The following CTNNA3 variants were observed in gnomAD, a reference collection of about 807,000 sequenced individuals.
CTNNA3 encodes the protein catenin alpha-3.
CTNNA3 carries 76 observed loss-of-function variants against 95.7 expected under a neutral mutation model. That is an observed-to-expected ratio of 0.79 (90% CI 0.66 to 0.96). CTNNA3 has a LOEUF of 0.96. Ranked by LOEUF, CTNNA3 falls within the 40% of genes least tolerant of loss-of-function variation. CTNNA3 has a pLI of 0.00. For synonymous variants in CTNNA3, 431 were observed against 374.4 expected, an observed-to-expected ratio of 1.15 and a Z score of -1.74; for missense variants, 1,191 against 1,089.8, an observed-to-expected ratio of 1.09 and a Z score of -1.31.
At chr10:66,315,958 A>T (rs2092095191) in intron 12 of CTNNA3, among the ~76,000 whole-genome samples, 1 of 152,104 alleles carries the variant, frequency 6.6e-6, no homozygotes, top group African/African-American at 2.4e-5. Flanking sequence ...CTCACTTAAC[A>T]TTATTGATAG....
intron 11 of CTNNA3, among the ~76,000 whole-genome samples, chr10:66,517,568 G>T (rs1384920331): frequency 6.6e-6 from 1 of 151,994 alleles, no homozygotes; most frequent in Non-Finnish European, 1.5e-5. Context: ...ACCCTATATG[G>T]TCTAAAAGGG....
At chr10:66,625,746 A>C (rs573796765) in intron 9 of CTNNA3, among the ~76,000 whole-genome samples, 1 of 152,138 alleles carries the variant, frequency 6.6e-6, no homozygotes, top group African/African-American at 2.4e-5. Context: ...CATTTGCTGG[A>C]CTTTGAGTCT....
At chr10:66,637,473 C>A (rs1489409732) in intron 9 of CTNNA3, among the ~76,000 whole-genome samples, 4 of 152,216 alleles carry the variant, frequency 2.6e-5, no homozygotes, top group African/African-American at 7.2e-5. Flanking sequence ...AGGGCATTTG[C>A]CATCAACTAG....
In CTNNA3 at chr10:66,285,937, A is replaced by G. The variant is rs140686353; in HGVS notation, c.1733-5316T>C. Among the ~76,000 whole-genome samples the G allele has an allele frequency of 5.2e-3, 786 of 152,078 alleles. 5 individuals carry two copies. The highest frequency in any genetic ancestry group is 0.018 in the African/African-American group (738 of 41,532). On this transcript the variant is annotated intron_variant, in intron 12 of 17. Transcript: ENST00000433211. Reference sequence around the variant, plus strand: ...AAATTTTTTTCTATGTAAGTTGTATATGGAATTATTCATTCTCATTGCTGT... The same window carrying G: ...AAATTTTTTTCTATGTAAGTTGTATGTGGAATTATTCATTCTCATTGCTGT...
intron 5 of CTNNA3, among the ~76,000 whole-genome samples, chr10:67,432,610 C>G (rs1015751972): frequency 1.3e-5 from 2 of 152,032 alleles, no homozygotes; most frequent in Non-Finnish European, 2.9e-5. Flanking sequence ...CCAAAACTCT[C>G]TCTGCCTTTT....
At chr10:66,084,236 T>C (rs1440392745) in intron 14 of CTNNA3, among the ~76,000 whole-genome samples, 1 of 151,586 alleles carries the variant, frequency 6.6e-6, no homozygotes, top group East Asian at 1.9e-4. Flanking sequence ...CAAAATGTAG[T>C]TCTGCAGGCT....
intron 7 of CTNNA3, among the ~76,000 whole-genome samples, chr10:67,103,516 T>C (rs1195996872): frequency 5.3e-5 from 8 of 151,802 alleles, no homozygotes; most frequent in Admixed American, 5.3e-4. Flanking sequence ...GCAGGCACTA[T>C]GCCCTCCTCT....
chr10:67,227,153 G>T (rs547481985), intron 5 of CTNNA3, among the ~76,000 whole-genome samples: 1 of 150,048 alleles, frequency 6.7e-6, no homozygotes, highest in African/African-American at 2.5e-5. Flanking sequence ...GTGCAATGGC[G>T]CAATCTCAGC....
At chr10:66,104,999 A>G (rs2081829194) in intron 13 of CTNNA3, among the ~76,000 whole-genome samples, 2 of 152,206 alleles carry the variant, frequency 1.3e-5, no homozygotes, top group Admixed American at 1.3e-4. Context: ...ATAGATCTTT[A>G]AACAGCACTT....
At chr10:66,330,776 G>C (rs1188535551) in intron 12 of CTNNA3, among the ~76,000 whole-genome samples, 1 of 152,070 alleles carries the variant, frequency 6.6e-6, no homozygotes, top group South Asian at 2.1e-4. Flanking sequence ...ACTGGTGTGA[G>C]ATGGTATCTC....
intron 14 of CTNNA3, among the ~76,000 whole-genome samples, chr10:66,085,541 T>C (rs1366927495): frequency 6.6e-6 from 1 of 152,152 alleles, no homozygotes; most frequent in Non-Finnish European, 1.5e-5. Flanking sequence ...TTTTGATTTA[T>C]TTTTCTTTCA....
At chr10:67,407,469 G>A (rs1845179989) in intron 5 of CTNNA3, among the ~76,000 whole-genome samples, 1 of 152,016 alleles carries the variant, frequency 6.6e-6, no homozygotes, top group South Asian at 2.1e-4. Flanking sequence ...ATACTGAATG[G>A]GCAAAAGCTG....
At chr10:66,772,673 T>C (rs1162422601) in intron 8 of CTNNA3, among the ~76,000 whole-genome samples, 1 of 152,196 alleles carries the variant, frequency 6.6e-6, no homozygotes, top group East Asian at 1.9e-4. Flanking sequence ...TCTCGCCTCC[T>C]AGAACATTCC....
intron 5 of CTNNA3, among the ~76,000 whole-genome samples, chr10:67,483,150 C>T (rs1848303431): frequency 6.6e-6 from 1 of 151,764 alleles, no homozygotes; most frequent in Admixed American, 6.6e-5. Flanking sequence ...GAAATAGGAA[C>T]ACTTTTACAC....
intron 11 of CTNNA3, among the ~76,000 whole-genome samples, chr10:66,402,456 C>T (rs953614471): frequency 1.3e-5 from 2 of 152,174 alleles, no homozygotes; most frequent in African/African-American, 4.8e-5. Context: ...CAATATCATA[C>T]ATTGGCTTTT....
At chr10:66,194,865 C>T (rs1360659886) in intron 13 of CTNNA3, among the ~76,000 whole-genome samples, 3 of 152,148 alleles carry the variant, frequency 2.0e-5, no homozygotes, top group Non-Finnish European at 4.4e-5. Context: ...TCTATCCTGC[C>T]TTTTCCCCAC....
chr10:66,211,230 T>C (rs1240494159), intron 13 of CTNNA3, among the ~76,000 whole-genome samples: 1 of 152,158 alleles, frequency 6.6e-6, no homozygotes, highest in Non-Finnish European at 1.5e-5. Context: ...ATATAATGGA[T>C]GCAGAGTTCC....
chr10:66,464,172 T>G (rs2131855441), intron 11 of CTNNA3, among the ~76,000 whole-genome samples: 1 of 152,246 alleles, frequency 6.6e-6, no homozygotes, highest in South Asian at 2.1e-4. Flanking sequence ...TGTTTCAGTT[T>G]TTTCCAATGA....
intron 17 of CTNNA3, among the ~76,000 whole-genome samples, chr10:65,963,078 C>T (rs954609030): frequency 1.1e-4 from 16 of 152,136 alleles, no homozygotes; most frequent in Non-Finnish European, 1.6e-4. Context: ...CCTTATCTTT[C>T]TAATCTATCA....
Sources: allele counts gnomAD v4.1 joint callset (sites outside exome capture counted in the v4.1 genomes callset), GRCh38; gene constraint gnomAD v4.1.1; transcripts MANE v1.5; gene names NCBI Gene and HGNC (gene_info 2026-07-23, HGNC 2026-07-21).